Variants in TENM4 observed in about 807,000 individuals in gnomAD.
The protein encoded by TENM4 is teneurin transmembrane protein 4.
A neutral mutation model predicts 243.3 loss-of-function variants in TENM4; 82 were observed. The observed-to-expected ratio is 0.34, with a 90% CI of 0.28 to 0.40. The LOEUF (loss-of-function observed/expected upper bound fraction) is 0.40, where lower values mean the gene tolerates loss of function less well. Among genes scored for constraint, TENM4 ranks in the 10% least tolerant of loss-of-function variants. TENM4 has a pLI of 1.00. For missense variants in TENM4, 3,138 were observed against 3,673.3 expected (o/e 0.85, Z 3.77); for synonymous variants, 1,412 against 1,456.3 (o/e 0.97, Z 0.69).
intron 15 of TENM4, among the ~76,000 whole-genome samples, chr11:78,792,050 A>C (rs1175671774): frequency 1.3e-5 from 2 of 152,220 alleles, no homozygotes; most frequent in African/African-American, 4.8e-5. Flanking sequence ...CTTTACCCCT[A>C]AAATGAGGAG....
At chr11:79,309,122 G>A (rs1856677100) in intron 1 of TENM4, among the ~76,000 whole-genome samples, 1 of 152,176 alleles carries the variant, frequency 6.6e-6, no homozygotes, top group South Asian at 2.1e-4. Context: ...GTGGAGGATG[G>A]CGAGCCTAGT....
intron 1 of TENM4, among the ~76,000 whole-genome samples, chr11:79,436,490 C>T (rs1394798851): frequency 6.6e-6 from 1 of 152,186 alleles, no homozygotes; most frequent in Non-Finnish European, 1.5e-5. Flanking sequence ...AAAGTCACAT[C>T]CTATCACCTT....
At chr11:79,228,338 G>C (rs1864310395) in intron 2 of TENM4, among the ~76,000 whole-genome samples, 1 of 152,110 alleles carries the variant, frequency 6.6e-6, no homozygotes, top group African/African-American at 2.4e-5. Flanking sequence ...GCCTTTTATT[G>C]ACTGACCCAA....
intron 6 of TENM4, among the ~76,000 whole-genome samples, chr11:78,923,198 T>C (rs1856482586): frequency 1.3e-5 from 2 of 152,146 alleles, no homozygotes; most frequent in South Asian, 4.1e-4. Context: ...AGAGGGCCCG[T>C]GTTTGGTTTG....
chr11:79,282,449 A>T (rs1243470031), intron 2 of TENM4, among the ~76,000 whole-genome samples: 1 of 152,228 alleles, frequency 6.6e-6, no homozygotes, highest in Non-Finnish European at 1.5e-5. Flanking sequence ...TCTTTTAGAC[A>T]TGTTCAGGGA....
intron 4 of TENM4, among the ~76,000 whole-genome samples, chr11:79,087,918 A>T (rs1304873490): frequency 1.3e-5 from 2 of 152,186 alleles, no homozygotes. Context: ...AGCCTCCCTC[A>T]GCAACTGTGG....
At chr11:78,979,756 G>T (rs1857750469) in intron 6 of TENM4, among the ~76,000 whole-genome samples, 1 of 152,108 alleles carries the variant, frequency 6.6e-6, no homozygotes, top group African/African-American at 2.4e-5. Context: ...GACAGGCCAT[G>T]TTCACATCCT....
intron 6 of TENM4, among the ~76,000 whole-genome samples, chr11:78,905,781 C>CGAAT (rs1856048077): frequency 6.6e-6 from 1 of 152,210 alleles, no homozygotes; most frequent in Non-Finnish European, 1.5e-5. Flanking sequence ...ACCTGGCAGG[C>CGAAT]GAATACAACT....
intron 19 of TENM4, among the ~76,000 whole-genome samples, chr11:78,743,573 G>T (rs1170077905): frequency 6.6e-6 from 1 of 152,120 alleles, no homozygotes; most frequent in African/African-American, 2.4e-5. Context: ...AGAACCTAGG[G>T]CTGGAAGGGT....
At position 78,653,404 on chromosome 11, in the gene TENM4, A is replaced by G. The variant is rs1857816959; in HGVS notation, c.*4654T>C. On this transcript the variant is annotated 3_prime_UTR_variant, in exon 34 of 34. Transcript: ENST00000278550. ...TGCATTTATTTACAGCCTTGTTGGT[A>G]TTTACACAGTCAAGATACAGTGTTA... The G allele has an allele frequency of 6.6e-6, 1 of 151,772 alleles. No individual in the cohort carries two copies. The highest frequency in any genetic ancestry group is 2.4e-5 in the African/African-American group (1 of 41,260). 9.4% of individuals were successfully genotyped at this position (151,772 alleles called of 1,614,324 possible).
At chr11:79,217,382 G>T (rs780010629) in intron 2 of TENM4, among the ~76,000 whole-genome samples, 1 of 152,068 alleles carries the variant, frequency 6.6e-6, no homozygotes, top group Non-Finnish European at 1.5e-5. Flanking sequence ...AAAGAATAAG[G>T]CATGAAGGAT....
intron 3 of TENM4, among the ~76,000 whole-genome samples, chr11:79,186,703 C>T (rs546095809): frequency 1.3e-5 from 2 of 152,224 alleles, no homozygotes; most frequent in African/African-American, 2.4e-5. Context: ...GAGAACCTTG[C>T]CATCTTGAAT....
chr11:79,017,621 T>C (rs907527169), intron 6 of TENM4, among the ~76,000 whole-genome samples: 5 of 152,152 alleles, frequency 3.3e-5, no homozygotes, highest in East Asian at 1.9e-4. Flanking sequence ...TGTAACTACA[T>C]AGCACTTTAT....
Position 78,953,048 on chromosome 11 carries a change from T to A in TENM4, c.494-49525A>T, listed in dbSNP as rs934083083. ...CCACCAGGAAAGAGGGAGTGGAGCA[T>A]AAATGAATTACCAGTCATTTTCCTT... On this transcript the variant is annotated intron_variant, in intron 6 of 33. Transcript: ENST00000278550. Among the ~76,000 whole-genome samples the A allele has an allele frequency of 6.1e-4, 93 of 152,162 alleles. 1 individual carries two copies. Among genetic ancestry groups the A allele is most frequent in the Non-Finnish European group, 1.3e-4 (9 of 68,014 alleles).
At chr11:79,177,299 C>T (rs1178826997) in intron 3 of TENM4, among the ~76,000 whole-genome samples, 4 of 152,080 alleles carry the variant, frequency 2.6e-5, no homozygotes, top group Non-Finnish European at 5.9e-5. Flanking sequence ...CTTTAGTGCT[C>T]CTCCACCAGA....
At chr11:78,707,508 G>A (rs1157608067) in intron 27 of TENM4, among the ~76,000 whole-genome samples, 4 of 152,300 alleles carry the variant, frequency 2.6e-5, no homozygotes, top group South Asian at 2.1e-4. Context: ...TTTTAACTGC[G>A]GCCACCTGCT....
intron 2 of TENM4, among the ~76,000 whole-genome samples, chr11:79,231,258 A>G (rs1308185889): frequency 1.3e-5 from 2 of 152,250 alleles, no homozygotes; most frequent in Admixed American, 6.5e-5. Context: ...TTGCAAACAG[A>G]CATGGCTGGG....
intron 6 of TENM4, among the ~76,000 whole-genome samples, chr11:78,959,256 C>T (rs1446681646): frequency 6.6e-6 from 1 of 152,198 alleles, no homozygotes; most frequent in East Asian, 1.9e-4. Flanking sequence ...AACATTTTAC[C>T]TTTCCATATT....
chr11:78,781,636 T>C (rs932865771), intron 16 of TENM4, among the ~76,000 whole-genome samples: 4 of 152,144 alleles, frequency 2.6e-5, no homozygotes, highest in Non-Finnish European at 5.9e-5. Context: ...ATGGAGAACA[T>C]GGCAAGAGGC....
Sources: gnomAD v4.1 joint callset for allele counts (sites outside exome capture counted in the v4.1 genomes callset) on GRCh38, gnomAD v4.1.1 for gene constraint, MANE v1.5 for transcripts, NCBI Gene and HGNC (gene_info 2026-07-23, HGNC 2026-07-21) for gene names.